Variants in FBXL7 observed in about 807,000 individuals in gnomAD.
FBXL7 encodes the protein F-box/LRR-repeat protein 7.
In FBXL7, 12 loss-of-function variants were observed where a neutral mutation model predicts 38.3. That is an observed-to-expected ratio of 0.31 (90% confidence interval 0.20 to 0.51). The LOEUF (loss-of-function observed/expected upper bound fraction) is 0.51. Ranked by LOEUF, FBXL7 falls within the 20% of genes least tolerant of loss-of-function variation. The pLI, the probability that FBXL7 is intolerant of heterozygous loss-of-function variation, is 0.98. For synonymous variants in FBXL7, 297 were observed against 300.9 expected, an observed-to-expected ratio of 0.99 and a Z score of 0.13; for missense variants, 567 against 676.4, an observed-to-expected ratio of 0.84 and a Z score of 1.79.
chr5:15,774,659 A>G (rs1027609587), intron 2 of FBXL7, among the ~76,000 whole-genome samples: 2 of 152,240 alleles, frequency 1.3e-5, no homozygotes, highest in Non-Finnish European at 2.9e-5. Flanking sequence ...AACCATATTA[A>G]CCTGATTGAA....
chr5:15,876,456 T>C (rs960687938), intron 2 of FBXL7, among the ~76,000 whole-genome samples: 5 of 152,224 alleles, frequency 3.3e-5, no homozygotes, highest in African/African-American at 1.2e-4. Context: ...ATGTTGCATT[T>C]AAAGTTAGTT....
intron 2 of FBXL7, among the ~76,000 whole-genome samples, chr5:15,900,549 A>G (rs921668364): frequency 6.6e-6 from 1 of 152,186 alleles, no homozygotes; most frequent in African/African-American, 2.4e-5. Context: ...GAAATTCTTT[A>G]TAATTCCCAG....
intron 2 of FBXL7, among the ~76,000 whole-genome samples, chr5:15,857,055 T>G: frequency 6.6e-6 from 1 of 152,298 alleles, no homozygotes. Context: ...CAACATTGCC[T>G]TCCATAACAT....
chr5:15,679,061 C>T (rs1742752450), intron 2 of FBXL7, among the ~76,000 whole-genome samples: 1 of 152,226 alleles, frequency 6.6e-6, no homozygotes, highest in Non-Finnish European at 1.5e-5. Flanking sequence ...TCTGCCACCA[C>T]ACAGCTGAAA....
chr5:15,833,503 C>T (rs897034078), intron 2 of FBXL7, among the ~76,000 whole-genome samples: 48 of 152,282 alleles, frequency 3.2e-4, no homozygotes, highest in Admixed American at 2.7e-3. Flanking sequence ...TCCCAGAGTG[C>T]GTTATTTACT....
chr5:15,501,859 CATGTGT>C (rs1736495873), intron 1 of FBXL7: 18 of 388,586 alleles, frequency 4.6e-5, no homozygotes, highest in Non-Finnish European at 6.1e-5. Context: ...TCCATATGTG[CATGTGT>C]ATGTGTGTGT....
chr5:15,718,621 A>C (rs895759647), intron 2 of FBXL7, among the ~76,000 whole-genome samples: 1 of 152,218 alleles, frequency 6.6e-6, no homozygotes, highest in African/African-American at 2.4e-5. Context: ...ATGTTTCCCA[A>C]CTTGGGAGTT....
At chr5:15,866,084 TA>T (rs1739697612) in intron 2 of FBXL7, among the ~76,000 whole-genome samples, 1 of 152,210 alleles carries the variant, frequency 6.6e-6, no homozygotes, top group South Asian at 2.1e-4. Context: ...CTTACAGAAA[TA>T]AAATTGTTTG....
chr5:15,845,903 C>T (rs934555851), intron 2 of FBXL7, among the ~76,000 whole-genome samples: 11 of 152,268 alleles, frequency 7.2e-5, no homozygotes, highest in African/African-American at 1.7e-4. Context: ...CCCCAGGAGG[C>T]GGAGCTTGCA....
intron 1 of FBXL7, among the ~76,000 whole-genome samples, chr5:15,514,826 T>G (rs1158296400): frequency 1.3e-5 from 2 of 151,812 alleles, no homozygotes; most frequent in Non-Finnish European, 2.9e-5. Context: ...GACAGGGAGG[T>G]TCAGGGAGCG....
chr5:15,795,436 A>T (rs921462397), intron 2 of FBXL7, among the ~76,000 whole-genome samples: 1 of 152,220 alleles, frequency 6.6e-6, no homozygotes, highest in Non-Finnish European at 1.5e-5. Flanking sequence ...CTGGAAGCCT[A>T]ATGTAATTGT....
chr5:15,834,541 G>T (rs781064940), intron 2 of FBXL7, among the ~76,000 whole-genome samples: 3 of 151,870 alleles, frequency 2.0e-5, no homozygotes, highest in Non-Finnish European at 2.9e-5. Context: ...TTTTTCAGTG[G>T]ATCTCCATCT....
intron 2 of FBXL7, among the ~76,000 whole-genome samples, chr5:15,919,840 G>A (rs925585258): frequency 6.6e-6 from 1 of 152,150 alleles, no homozygotes; most frequent in African/African-American, 2.4e-5. Flanking sequence ...TGATTTGGAG[G>A]CATTCTCACC....
chr5:15,564,408 G>C (rs201186499), intron 1 of FBXL7, among the ~76,000 whole-genome samples: 2 of 135,568 alleles, frequency 1.5e-5, no homozygotes, highest in Non-Finnish European at 3.3e-5. Context: ...GTGTGTGTGT[G>C]TGTGTGTATG....
chr5:15,601,923 A>C (rs1179374805), intron 1 of FBXL7, among the ~76,000 whole-genome samples: 1 of 152,170 alleles, frequency 6.6e-6, no homozygotes, highest in African/African-American at 2.4e-5. Flanking sequence ...ATTAGTTTTA[A>C]GATAGAGACA....
intron 1 of FBXL7, among the ~76,000 whole-genome samples, chr5:15,592,623 T>G (rs573262331): frequency 6.6e-6 from 1 of 152,332 alleles, no homozygotes; most frequent in South Asian, 2.1e-4. Context: ...CATTTGTCCC[T>G]AAGTGTGTTT....
chr5:15,526,096 G>A (rs1030126942), intron 1 of FBXL7, among the ~76,000 whole-genome samples: 2 of 152,164 alleles, frequency 1.3e-5, no homozygotes, highest in African/African-American at 2.4e-5. Context: ...GTAGGGTGGG[G>A]TGAAAGAGGG....
chr5:15,766,957 CTG>C (rs1409152787), intron 2 of FBXL7, among the ~76,000 whole-genome samples: 1 of 152,190 alleles, frequency 6.6e-6, no homozygotes, highest in Non-Finnish European at 1.5e-5. Context: ...GTAAACAACT[CTG>C]TTTTAAAAAT....
chr5:15,525,217 T>C (rs916189480), intron 1 of FBXL7, among the ~76,000 whole-genome samples: 1 of 152,224 alleles, frequency 6.6e-6, no homozygotes, highest in Non-Finnish European at 1.5e-5. Flanking sequence ...GTTTTACAAG[T>C]GTTAACAATT....
Sources: gnomAD v4.1 joint callset for allele counts (sites outside exome capture counted in the v4.1 genomes callset) on GRCh38, gnomAD v4.1.1 for gene constraint, MANE v1.5 for transcripts, NCBI Gene and HGNC (gene_info 2026-07-23, HGNC 2026-07-21) for gene names.